TLN2: variants seen among roughly 807,000 people sequenced by gnomAD.
TLN2 encodes the protein talin-2.
In TLN2, 118 loss-of-function variants were observed where a neutral mutation model predicts 294.7. The ratio of observed to expected loss-of-function variants is 0.40; its 90% confidence interval spans 0.34 to 0.47. The LOEUF (loss-of-function observed/expected upper bound fraction) is 0.47. Among genes scored for constraint, TLN2 ranks in the 20% least tolerant of loss-of-function variants. The probability of loss-of-function intolerance (pLI) is 0.84; values close to 1 mark genes in which losing one functional copy is unlikely to be tolerated. For missense variants in TLN2, 3,083 were observed against 3,282.2 expected, an observed-to-expected ratio of 0.94 and a Z score of 1.48; for synonymous variants, 1,431 against 1,304.5, an observed-to-expected ratio of 1.10 and a Z score of -2.09.
chr15:62,695,702 C>A (rs113599462), intron 14 of TLN2, among the ~76,000 whole-genome samples: 7 of 152,210 alleles, frequency 4.6e-5, no homozygotes, highest in African/African-American at 1.7e-4. Context: ...CCCACTAGTA[C>A]GCAAGTTGGA....
intron 32 of TLN2, among the ~76,000 whole-genome samples, chr15:62,746,940 CTT>C (rs1384893792): frequency 1.2e-4 from 19 of 152,122 alleles, no homozygotes; most frequent in Admixed American, 3.3e-4. Flanking sequence ...AATTTTAAGA[CTT>C]AGTGTAAAGC....
intron 24 of TLN2, among the ~76,000 whole-genome samples, chr15:62,719,403 G>A (rs1003721002): frequency 1.3e-5 from 2 of 152,210 alleles, no homozygotes; most frequent in Non-Finnish European, 2.9e-5. Context: ...GTACACTTCA[G>A]TTTACCACCT....
intron 2 of TLN2, among the ~76,000 whole-genome samples, chr15:62,599,734 C>T (rs945625036): frequency 1.3e-5 from 2 of 152,016 alleles, no homozygotes; most frequent in African/African-American, 4.8e-5. Flanking sequence ...CTCTGGTCAC[C>T]CAGGTGGTCC....
intron 2 of TLN2, among the ~76,000 whole-genome samples, chr15:62,611,324 C>G (rs566311473): frequency 6.6e-6 from 1 of 152,182 alleles, no homozygotes. Context: ...GAAGCACCTG[C>G]TGTTTTCTCT....
intron 1 of TLN2, among the ~76,000 whole-genome samples, chr15:62,571,038 C>T (rs77198929): frequency 0.029 from 4,386 of 152,182 alleles, 219 homozygotes; most frequent in African/African-American, 0.1. Flanking sequence ...ATGTGGGTCT[C>T]ACAGCAGTGA....
rs1393530551 is a variant in TLN2 at position 62,602,659 on chromosome 15, A to T, written c.-162+12897A>T. Among the ~76,000 whole-genome samples the T allele has an allele frequency of 2.0e-5, 3 of 151,734 alleles. No homozygotes were observed. In the South Asian group the frequency reaches 6.2e-4, roughly 31 times the overall value. On this transcript the variant is annotated intron_variant, in intron 2 of 58. Coordinates refer to ENST00000636159, the MANE Select transcript of TLN2 (RefSeq NM_015059.3). ...TGAGGGTGCACTTGCTGGTTTACAG[A>T]TGCAGCCGCCTTGTTGTATCCTTAC...
At chr15:62,834,880 A>C (rs150343645) in intron 55 of TLN2, 1 of 152,248 alleles carries the variant, frequency 6.6e-6, no homozygotes, top group Non-Finnish European at 1.5e-5. Context: ...CAACTTGGAC[A>C]TGGCAGAGTC....
chr15:62,813,164 A>G (rs907441078), intron 52 of TLN2, among the ~76,000 whole-genome samples: 3 of 152,306 alleles, frequency 2.0e-5, no homozygotes, highest in African/African-American at 7.2e-5. Flanking sequence ...TCTGGTGACC[A>G]TTGACATTTC....
At chr15:62,558,349 G>C (rs977726199) in intron 1 of TLN2, among the ~76,000 whole-genome samples, 1 of 152,138 alleles carries the variant, frequency 6.6e-6, no homozygotes, top group Non-Finnish European at 1.5e-5. Context: ...CTAGTAAATG[G>C]TGAGCTTCTT....
At chr15:62,563,079 A>G (rs993621094) in intron 1 of TLN2, among the ~76,000 whole-genome samples, 4 of 152,090 alleles carry the variant, frequency 2.6e-5, no homozygotes, top group South Asian at 2.1e-4. Context: ...TTTTTTTTGT[A>G]TAATGACTTA....
chr15:62,405,087 C>T (rs1241383197), intron 1 of TLN2, among the ~76,000 whole-genome samples: 3 of 152,144 alleles, frequency 2.0e-5, no homozygotes, highest in Non-Finnish European at 4.4e-5. Context: ...AGAACTGAGG[C>T]TCAGAGGGGT....
At chr15:62,757,982 A>C (rs1000584241) in intron 37 of TLN2, among the ~76,000 whole-genome samples, 1 of 152,220 alleles carries the variant, frequency 6.6e-6, no homozygotes, top group African/African-American at 2.4e-5. Flanking sequence ...AGGAATGGTT[A>C]TGTGTTCTGT....
rs376188486 is a variant in TLN2 at position 62,838,843 on chromosome 15, G to T, written c.7375-13G>T. The T allele has an allele frequency of 1.2e-6, 2 of 1,608,146 alleles. No individual in the cohort carries two copies. The highest frequency in any genetic ancestry group is 2.2e-5 in the South Asian group (2 of 90,874). Reference sequence around the variant, plus strand: ...TTTCTAATGATATAATGTATGTTTTGTTCACTCTCCAGGCGGCAGGAAATG... The same window carrying T: ...TTTCTAATGATATAATGTATGTTTTTTTCACTCTCCAGGCGGCAGGAAATG... On this transcript the variant is annotated splice_polypyrimidine_tract_variant and intron_variant, in intron 57 of 58. Transcript: ENST00000636159.
At chr15:62,461,962 C>T (rs1003106439) in intron 1 of TLN2, among the ~76,000 whole-genome samples, 6 of 152,190 alleles carry the variant, frequency 3.9e-5, no homozygotes, top group East Asian at 1.9e-4. Flanking sequence ...CTAGGCTGGG[C>T]GTGGTGGCTC....
chr15:62,633,112 A>G (rs963641334), intron 3 of TLN2, among the ~76,000 whole-genome samples: 1 of 152,222 alleles, frequency 6.6e-6, no homozygotes, highest in Non-Finnish European at 1.5e-5. Flanking sequence ...TCACAGTGCC[A>G]TGTAGTTAAT....
intron 9 of TLN2, 115 bp from the exon 10 acceptor site, chr15:62,673,712 T>G (rs2055782444): frequency 1.4e-6 from 1 of 727,176 alleles, no homozygotes; most frequent in Non-Finnish European, 2.3e-6. Context: ...TTAATTACTC[T>G]ATAAAATATT....
intron 46 of TLN2, among the ~76,000 whole-genome samples, chr15:62,793,130 T>C (rs1049410691): frequency 6.6e-6 from 1 of 152,210 alleles, no homozygotes; most frequent in Non-Finnish European, 1.5e-5. Flanking sequence ...GCCAGAGCCC[T>C]TTCCTGCAAC....
At chr15:62,443,605 A>G (rs1198021395) in intron 1 of TLN2, among the ~76,000 whole-genome samples, 3 of 152,218 alleles carry the variant, frequency 2.0e-5, no homozygotes, top group Non-Finnish European at 4.4e-5. Context: ...GGAGCATTGG[A>G]AAGAGATTAG....
chr15:62,706,482 A>G (rs1303669661), intron 19 of TLN2, among the ~76,000 whole-genome samples: 1 of 152,278 alleles, frequency 6.6e-6, no homozygotes, highest in Non-Finnish European at 1.5e-5. Flanking sequence ...CAGAACACTG[A>G]GAATAACTCA....
Sources: gnomAD v4.1 joint callset for allele counts (sites outside exome capture counted in the v4.1 genomes callset) on GRCh38, gnomAD v4.1.1 for gene constraint, MANE v1.5 for transcripts, NCBI Gene and HGNC (gene_info 2026-07-23, HGNC 2026-07-21) for gene names.